Variants in NUMA1 observed in about 807,000 individuals in gnomAD.
NUMA1 encodes nuclear mitotic apparatus protein 1.
Under a neutral mutation model 237.1 loss-of-function variants are expected in NUMA1, and 62 were observed. That is an observed-to-expected ratio of 0.26 (90% CI 0.21 to 0.32). The LOEUF is 0.32. Ranked by LOEUF, NUMA1 falls within the 10% of genes least tolerant of loss-of-function variation. NUMA1 has a pLI of 1.00. For synonymous variants in NUMA1, 1,028 were observed against 1,066.1 expected (o/e 0.96, Z 0.70); for missense variants, 2,533 against 2,666.5 (o/e 0.95, Z 1.10).
intron 4 of NUMA1, among the ~76,000 whole-genome samples, chr11:72,027,281 G>A (rs1320670755): frequency 6.6e-6 from 1 of 152,194 alleles, no homozygotes; most frequent in African/African-American, 2.4e-5. Flanking sequence ...GGTATTGCCA[G>A]ACTAATGGTT....
chr11:72,052,051 A>G (rs1270891710), intron 2 of NUMA1, among the ~76,000 whole-genome samples: 2 of 152,190 alleles, frequency 1.3e-5, no homozygotes, highest in Non-Finnish European at 2.9e-5. Context: ...CTTAGGTGGC[A>G]GCGACAGAGG....
chr11:72,037,293 C>G (rs1164505902), intron 2 of NUMA1, among the ~76,000 whole-genome samples: 1 of 152,188 alleles, frequency 6.6e-6, no homozygotes, highest in Non-Finnish European at 1.5e-5. Flanking sequence ...ATCGCAAGGT[C>G]AGGAGATCGA....
At chr11:72,071,490 T>C (rs558089621) in intron 1 of NUMA1, among the ~76,000 whole-genome samples, 2 of 152,300 alleles carry the variant, frequency 1.3e-5, no homozygotes, top group Non-Finnish European at 2.9e-5. Flanking sequence ...ACTAAAGACA[T>C]GATAGTCATG....
At chr11:72,071,164 T>C (rs1443742946) in intron 1 of NUMA1, among the ~76,000 whole-genome samples, 1 of 152,256 alleles carries the variant, frequency 6.6e-6, no homozygotes, top group Non-Finnish European at 1.5e-5. Flanking sequence ...TCTGTTCATT[T>C]TCCAAACCCC....
chr11:72,010,952 C>T (rs1956118516), intron 16 of NUMA1, 98 bp from the exon 17 acceptor site: 1 of 1,051,874 alleles, frequency 9.5e-7, no homozygotes, highest in Non-Finnish European at 1.5e-6. Context: ...ACCAGGATCC[C>T]CAGTGTTCCT....
chr11:72,040,789 C>A (rs1242398441), intron 2 of NUMA1: 1 of 152,180 alleles, frequency 6.6e-6, no homozygotes, highest in Non-Finnish European at 1.5e-5. Flanking sequence ...CTCCACAGCG[C>A]CTGTTTCTGA....
In NUMA1 at chr11:72,054,481, A is replaced by AC. The variant is rs1371549880; in HGVS notation, c.-33+15360_-33+15361insG. 2.6e-5 allele frequency among the ~76,000 whole-genome samples: 4 copies of AC among 152,246 alleles called. No homozygotes were observed. In the East Asian group the frequency reaches 7.7e-4, roughly 29 times the overall value. On this transcript the variant is annotated intron_variant, in intron 2 of 26. Transcript: ENST00000393695. ...AAAACTCCATCTCAAAAAAAAAAAAAATGTAAGAGTAACAATAACAATTTC... is the reference window on the plus strand; with the variant it reads ...AAAACTCCATCTCAAAAAAAAAAAAACATGTAAGAGTAACAATAACAATTTC...
intron 2 of NUMA1, chr11:72,049,560 A>ATATATATATATATATATATATATAT (rs59229987): frequency 0.042 from 1,709 of 40,732 alleles, 570 homozygotes; most frequent in Middle Eastern, 0.059. Flanking sequence ...AAATAATAAT[A>ATATATATATATATATATATATATAT]ATATATATAT....
intron 2 of NUMA1, among the ~76,000 whole-genome samples, chr11:72,061,770 G>A (rs1942958009): frequency 6.6e-6 from 1 of 152,018 alleles, no homozygotes; most frequent in Non-Finnish European, 1.5e-5. Context: ...TTATAGGCAT[G>A]AGCCACCATG....
chr11:72,044,189 GCTAA>G (rs779000210), intron 2 of NUMA1, among the ~76,000 whole-genome samples: 75 of 152,254 alleles, frequency 4.9e-4, no homozygotes, highest in African/African-American at 1.7e-3. Flanking sequence ...ACCACATGCT[GCTAA>G]CTATTTGACA....
Position 72,015,393 on chromosome 11 carries a change from G to A in NUMA1, c.2110C>T (p.Leu704Phe), listed in dbSNP as rs1339565238. The change falls in exon 15 of 27, where the codon CTC becomes TTC. Residue 704 changes from leucine (L) to phenylalanine (F), a missense_variant. Leu to Phe is a conservative substitution (Grantham distance 22). Coordinates refer to ENST00000393695, the MANE Select transcript of NUMA1 (RefSeq NM_006185.4). The surrounding 1 kb of genome is among the most constrained non-coding windows in gnomAD (Gnocchi z 4.0). ...TTCAAGGACTCTTTGAGGGCCTGGA[G>A]CTGCTCCTGGAGCTGGTCCTTCTCC... Reference protein sequence around the residue: ...AQEKDQLQEQLQALKESLKVT... With the variant: ...AQEKDQLQEQFQALKESLKVT... 2 of 1,611,988 alleles carry A rather than the reference G, an allele frequency of 1.2e-6. No individual in the cohort carries two copies. Among genetic ancestry groups the A allele is most frequent in the Admixed American group, 3.3e-5 (2 of 60,008 alleles).
chr11:72,008,644 A>T, intron 20 of NUMA1, 44 bp downstream of exon 20: 1 of 1,596,046 alleles, frequency 6.3e-7, no homozygotes, highest in South Asian at 1.1e-5. Context: ...GATAAACAGC[A>T]GGCACTCCAT....
intron 15 of NUMA1, 73 bp from the exon 16 acceptor site, chr11:72,012,515 G>T: frequency 1.4e-6 from 2 of 1,407,546 alleles, no homozygotes; most frequent in Non-Finnish European, 2.0e-6. Context: ...CTGCCAGGCT[G>T]ACCTCACTGA....
At chr11:72,042,247 CT>C (rs1239196107) in intron 2 of NUMA1, 1 of 152,266 alleles carries the variant, frequency 6.6e-6, no homozygotes, top group African/African-American at 2.4e-5. Context: ...CAGGCACCCC[CT>C]AATCTTATGC....
chr11:72,031,495 A>C (rs1940304775), intron 3 of NUMA1, among the ~76,000 whole-genome samples: 1 of 152,056 alleles, frequency 6.6e-6, no homozygotes, highest in South Asian at 2.1e-4. Context: ...ACACTTTCAC[A>C]TTTAAAAACA....
intron 2 of NUMA1, among the ~76,000 whole-genome samples, chr11:72,046,744 G>C (rs1330643766): frequency 6.6e-6 from 1 of 151,928 alleles, no homozygotes; most frequent in Non-Finnish European, 1.5e-5. Context: ...CAGATTGTTT[G>C]AGCTCAAGAG....
chr11:72,016,755 C>T (rs1227407633), intron 13 of NUMA1: 2 of 544,880 alleles, frequency 3.7e-6, no homozygotes, highest in South Asian at 2.3e-5. Flanking sequence ...AACCTGCTTA[C>T]TACTTCCCCA....
intron 1 of NUMA1, among the ~76,000 whole-genome samples, chr11:72,079,760 A>C (rs1768639095): frequency 6.6e-6 from 1 of 152,114 alleles, no homozygotes; most frequent in Non-Finnish European, 1.5e-5. Context: ...AAAAAAAAAA[A>C]AAAAAAAGAC....
Position 72,003,480 on chromosome 11 carries a change from G to C in NUMA1, c.*47C>G, listed in dbSNP as rs949324. On this transcript the variant is annotated 3_prime_UTR_variant, in exon 27 of 27. Transcript: ENST00000393695. ...GGACAGTAGGCGGAGGACCAGGTGA[G>C]GTCAGCATCGGGGACACAGGTGGGG... is the stretch of plus-strand genomic sequence containing the variant. The C allele has an allele frequency of 0.96, 1,526,642 of 1,597,992 alleles. 730,964 individuals carry two copies. Among genetic ancestry groups the C allele is most frequent in the Non-Finnish European group, 0.98 (1,138,707 of 1,165,622 alleles).
Sources: allele counts gnomAD v4.1 joint callset (sites outside exome capture counted in the v4.1 genomes callset), GRCh38; gene constraint gnomAD v4.1.1; non-coding constraint Gnocchi (gnomAD v3.1); transcripts MANE v1.5; gene names NCBI Gene and HGNC (gene_info 2026-07-23, HGNC 2026-07-21).